The following OPCML variants were observed in gnomAD, a reference collection of about 807,000 sequenced individuals.
OPCML encodes opioid-binding protein/cell adhesion molecule.
A neutral mutation model predicts 37.8 loss-of-function variants in OPCML; 13 were observed. That is an observed-to-expected ratio of 0.34 (90% CI 0.22 to 0.55). OPCML has a LOEUF of 0.55. Among genes scored for constraint, OPCML ranks in the 20% least tolerant of loss-of-function variants. The pLI, the probability that OPCML is intolerant of heterozygous loss-of-function variation, is 0.91. For missense variants in OPCML, 341 were observed against 435.6 expected, an observed-to-expected ratio of 0.78 and a Z score of 1.93; for synonymous variants, 176 against 168.8, an observed-to-expected ratio of 1.04 and a Z score of -0.33.
intron 1 of OPCML, among the ~76,000 whole-genome samples, chr11:133,121,104 C>G (rs536718341): frequency 8.0e-4 from 122 of 152,098 alleles, no homozygotes; most frequent in African/African-American, 2.8e-3. Flanking sequence ...TATATTTTTA[C>G]TAGAGACGGG....
At chr11:132,790,591 A>C (rs774187423) in intron 2 of OPCML, among the ~76,000 whole-genome samples, 11 of 152,204 alleles carry the variant, frequency 7.2e-5, no homozygotes, top group Non-Finnish European at 1.6e-4. Context: ...GTGACTGAGC[A>C]GCGAGTGATT....
At chr11:133,081,588 C>T (rs1948717118) in intron 1 of OPCML, among the ~76,000 whole-genome samples, 1 of 152,194 alleles carries the variant, frequency 6.6e-6, no homozygotes, top group Admixed American at 6.5e-5. Context: ...CTTGAGATGA[C>T]AGACGGAGGC....
chr11:133,303,563 AT>A (rs1942836052), intron 1 of OPCML, among the ~76,000 whole-genome samples: 1 of 152,230 alleles, frequency 6.6e-6, no homozygotes, highest in Admixed American at 6.5e-5. Context: ...CCTGGATTCT[AT>A]TAATAACTTG....
intron 1 of OPCML, among the ~76,000 whole-genome samples, chr11:133,433,068 C>T (rs1946157472): frequency 6.6e-6 from 1 of 152,080 alleles, no homozygotes; most frequent in East Asian, 1.9e-4. Flanking sequence ...TGGAACTAAT[C>T]TGTTTTGTAT....
At chr11:133,227,743 A>C (rs1940098126) in intron 1 of OPCML, among the ~76,000 whole-genome samples, 1 of 152,194 alleles carries the variant, frequency 6.6e-6, no homozygotes, top group Non-Finnish European at 1.5e-5. Context: ...GAGCAAAGCC[A>C]GACAGCAGCC....
chr11:132,454,858 T>A (rs1485610832), intron 4 of OPCML, among the ~76,000 whole-genome samples: 3 of 152,206 alleles, frequency 2.0e-5, no homozygotes, highest in Non-Finnish European at 4.4e-5. Flanking sequence ...GATGTGATTT[T>A]CAGTCTAAAA....
At chr11:132,519,883 G>A (rs895286932) in intron 4 of OPCML, among the ~76,000 whole-genome samples, 1 of 152,214 alleles carries the variant, frequency 6.6e-6, no homozygotes, top group Non-Finnish European at 1.5e-5. Flanking sequence ...ACTGGATGAT[G>A]CAGCAGGTCA....
intron 1 of OPCML, among the ~76,000 whole-genome samples, chr11:133,061,961 A>T (rs1249730279): frequency 6.6e-6 from 1 of 152,100 alleles, no homozygotes; most frequent in Non-Finnish European, 1.5e-5. Context: ...AGCCCATTGG[A>T]TGGGGGCATA....
intron 1 of OPCML, among the ~76,000 whole-genome samples, chr11:133,197,881 T>C (rs1565498080): frequency 6.6e-6 from 1 of 152,042 alleles, no homozygotes; most frequent in Non-Finnish European, 1.5e-5. Context: ...AAAACAGGCA[T>C]ATATCTGGGA....
intron 1 of OPCML, among the ~76,000 whole-genome samples, chr11:133,526,483 A>G (rs977212512): frequency 5.3e-5 from 8 of 152,190 alleles, no homozygotes; most frequent in African/African-American, 1.9e-4. Context: ...GGTGAAGAAG[A>G]GAGGAGGGAA....
At chr11:132,956,587 G>A (rs1320683413) in intron 1 of OPCML, among the ~76,000 whole-genome samples, 1 of 152,074 alleles carries the variant, frequency 6.6e-6, no homozygotes, top group Non-Finnish European at 1.5e-5. Context: ...GACCAAATTG[G>A]ATTGGACAGT....
intron 1 of OPCML, among the ~76,000 whole-genome samples, chr11:132,947,666 C>T (rs1945774063): frequency 6.6e-6 from 1 of 152,124 alleles, no homozygotes; most frequent in Non-Finnish European, 1.5e-5. Context: ...AGCTGAGGTT[C>T]ACAATGAACA....
At position 133,212,217 on chromosome 11, in the gene OPCML, G is replaced by A. The variant is rs988882579; in HGVS notation, c.62-269207C>T. Among the ~76,000 whole-genome samples the A allele has an allele frequency of 6.6e-6, 1 of 151,962 alleles. No individual in the cohort carries two copies. The highest frequency in any genetic ancestry group is 1.5e-5 in the Non-Finnish European group (1 of 68,006). ...CAAACCAGCAAGGACAACAACAAAA[G>A]CAATTTTTCCTGCCCACCACCCCGA... On this transcript the variant is annotated intron_variant, in intron 1 of 7. Coordinates refer to ENST00000524381, the MANE Select transcript of OPCML (RefSeq NM_001012393.5). This position sits in a 1 kb window ranked among gnomAD's most constrained non-coding sequence, Gnocchi z 4.9.
At chr11:133,222,616 T>A (rs1939885374) in intron 1 of OPCML, among the ~76,000 whole-genome samples, 2 of 152,328 alleles carry the variant, frequency 1.3e-5, no homozygotes, top group South Asian at 4.1e-4. Flanking sequence ...TTGTGGGAAG[T>A]GGCCATGGGC....
chr11:133,440,346 C>T (rs1946334992), intron 1 of OPCML, among the ~76,000 whole-genome samples: 1 of 148,750 alleles, frequency 6.7e-6, no homozygotes. Context: ...TTGCGGTGAG[C>T]CAAGATCGCG....
At chr11:132,981,169 C>G (rs1946574965) in intron 1 of OPCML, among the ~76,000 whole-genome samples, 1 of 152,220 alleles carries the variant, frequency 6.6e-6, no homozygotes, top group Non-Finnish European at 1.5e-5. Context: ...GGGCATTTAT[C>G]TTATGCCTGC....
chr11:133,097,567 A>C (rs1565445770), intron 1 of OPCML, among the ~76,000 whole-genome samples: 1 of 152,188 alleles, frequency 6.6e-6, no homozygotes, highest in Non-Finnish European at 1.5e-5. Context: ...AGAGAAAATC[A>C]ATGAAACCAA....
chr11:132,783,737 T>C (rs1486638460), intron 2 of OPCML, among the ~76,000 whole-genome samples: 1 of 152,138 alleles, frequency 6.6e-6, no homozygotes, highest in East Asian at 1.9e-4. Context: ...TTTCCCTAAG[T>C]ATAGAATTGT....
intron 7 of OPCML, among the ~76,000 whole-genome samples, chr11:132,420,875 C>T (rs903727881): frequency 1.3e-5 from 2 of 152,156 alleles, no homozygotes; most frequent in African/African-American, 4.8e-5. Context: ...TTAGGCTTGT[C>T]CCAGCAGTCA....
Sources: allele counts gnomAD v4.1 joint callset (sites outside exome capture counted in the v4.1 genomes callset), GRCh38; gene constraint gnomAD v4.1.1; non-coding constraint Gnocchi (gnomAD v3.1); transcripts MANE v1.5; gene names NCBI Gene and HGNC (gene_info 2026-07-23, HGNC 2026-07-21).